The following WFS1 variants were observed in gnomAD, a reference collection of about 807,000 sequenced individuals.
WFS1 encodes wolframin.
A neutral mutation model predicts 68.5 loss-of-function variants in WFS1; 90 were observed. That is an observed-to-expected ratio of 1.31 (90% confidence interval 1.11 to 1.56). The LOEUF is 1.56. Ranked by LOEUF, WFS1 falls within the 40% of genes most tolerant of loss-of-function variation. WFS1 has a pLI of 0.00. For missense variants in WFS1, 1,767 were observed against 1,232.6 expected (o/e 1.43, Z -6.49); for synonymous variants, 860 against 540.7 (o/e 1.59, Z -8.19).
At position 6,303,174 on chromosome 4, in the gene WFS1, A is replaced by G. The variant is rs1011061311; in HGVS notation, c.*706A>G. On this transcript the variant is annotated 3_prime_UTR_variant, in exon 8 of 8. Transcript: ENST00000226760. Reference sequence around the variant, plus strand: ...GGCGGCTGTGGGGGAGGTCCCTGCCAGTGTTTAGAAGAGCCTGACTGTGTT... The same window carrying G: ...GGCGGCTGTGGGGGAGGTCCCTGCCGGTGTTTAGAAGAGCCTGACTGTGTT... 3 of 152,210 alleles carry G rather than the reference A, an allele frequency of 2.0e-5. No homozygotes were observed. Among genetic ancestry groups the G allele is most frequent in the African/African-American group, 7.4e-5 (3 of 40,440 alleles). 9.4% of individuals were successfully genotyped at this position (152,210 alleles called of 1,614,324 possible).
chr4:6,291,028 C>CAGGGGCATGGT (rs55640037), intron 4 of WFS1, among the ~76,000 whole-genome samples, 169 bp from the exon 5 acceptor site: 1 of 151,756 alleles, frequency 6.6e-6, no homozygotes, highest in African/African-American at 2.4e-5. Context: ...GTGGGCGTGG[C>CAGGGGCATGGT]GCGATGTCCT....
intron 4 of WFS1, among the ~76,000 whole-genome samples, chr4:6,290,042 A>G (rs767558501): frequency 7.9e-5 from 12 of 152,098 alleles, no homozygotes; most frequent in Non-Finnish European, 1.5e-4. Flanking sequence ...TGGTTCAAGC[A>G]ATTCTCCTGC....
At position 6,283,159 on chromosome 4, in the gene WFS1, C is replaced by T. The variant is rs1730213794; in HGVS notation, c.233-3934C>T. Among the ~76,000 whole-genome samples the T allele has an allele frequency of 1.3e-5, 2 of 152,180 alleles. No homozygotes were observed. The highest frequency in any genetic ancestry group is 2.9e-5 in the Non-Finnish European group (2 of 68,030). On this transcript the variant is annotated intron_variant, in intron 2 of 7. Transcript: ENST00000226760. The surrounding 1 kb of genome is among the most constrained non-coding windows in gnomAD (Gnocchi z 5.0). ...GAAAGTGAGGGTCATTGACTGATTCCACGTGGCATCCATGAATCTCTCAAA... is the reference window on the plus strand; with the variant it reads ...GAAAGTGAGGGTCATTGACTGATTCTACGTGGCATCCATGAATCTCTCAAA...
At chr4:6,299,436 A>C (rs1730761570) in intron 7 of WFS1, among the ~76,000 whole-genome samples, 1 of 149,668 alleles carries the variant, frequency 6.7e-6, no homozygotes, top group African/African-American at 2.5e-5. Flanking sequence ...GTAGGTGCAC[A>C]CGTGTAGGGG....
At chr4:6,282,665 T>G (rs1730201827) in intron 2 of WFS1, among the ~76,000 whole-genome samples, 1 of 152,202 alleles carries the variant, frequency 6.6e-6, no homozygotes, top group Non-Finnish European at 1.5e-5. Context: ...CAGCCCACTT[T>G]GGGAAAATTT....
chr4:6,270,863 C>T (rs991457141), intron 1 of WFS1, among the ~76,000 whole-genome samples: 1 of 152,158 alleles, frequency 6.6e-6, no homozygotes, highest in African/African-American at 2.4e-5. Context: ...CCGTTTGACA[C>T]CCCAGGAAGC....
intron 7 of WFS1, among the ~76,000 whole-genome samples, chr4:6,299,552 G>A (rs1444545002): frequency 1.0e-5 from 1 of 99,216 alleles, no homozygotes; most frequent in Non-Finnish European, 2.1e-5. Flanking sequence ...GTGTGAATGT[G>A]TGTGTAGGGG....
intron 7 of WFS1, among the ~76,000 whole-genome samples, chr4:6,298,865 C>T (rs1189608686): frequency 6.6e-6 from 1 of 152,228 alleles, no homozygotes; most frequent in African/African-American, 2.4e-5. Context: ...GTGGAGAGAA[C>T]CTGCCCCAGG....
intron 7 of WFS1, among the ~76,000 whole-genome samples, chr4:6,298,762 T>G (rs898367004): frequency 6.6e-6 from 1 of 152,224 alleles, no homozygotes; most frequent in African/African-American, 2.4e-5. Context: ...CCAGAGCTGA[T>G]AGCCAGGCTG....
intron 3 of WFS1, chr4:6,288,607 C>G (rs1730375455): frequency 1.2e-5 from 4 of 342,972 alleles, no homozygotes; most frequent in South Asian, 1.1e-4. Flanking sequence ...TCTCTCCAGC[C>G]CTGGCTTTCT....
chr4:6,299,524 T>C (rs1400382458), intron 7 of WFS1, among the ~76,000 whole-genome samples: 1 of 129,472 alleles, frequency 7.7e-6, no homozygotes, highest in African/African-American at 3.2e-5. Flanking sequence ...TGTGTGTGAA[T>C]GTGTATAGGG....
intron 1 of WFS1, among the ~76,000 whole-genome samples, chr4:6,271,715 C>T (rs889576146): frequency 1.3e-5 from 2 of 152,168 alleles, no homozygotes; most frequent in Non-Finnish European, 2.9e-5. Context: ...GTTCAGGACC[C>T]TCGCCTCTCC....
chr4:6,271,640 C>T (rs371914067), intron 1 of WFS1, among the ~76,000 whole-genome samples: 2 of 152,282 alleles, frequency 1.3e-5, no homozygotes, highest in African/African-American at 4.8e-5. Flanking sequence ...CCCCCTGTGC[C>T]CTTCATTCCT....
chr4:6,289,263 T>C, intron 4 of WFS1, 132 bp downstream of exon 4: 1 of 1,286,574 alleles, frequency 7.8e-7, no homozygotes, highest in Non-Finnish European at 1.1e-6. Context: ...GTTTCTGTTT[T>C]GCTGGTGGCC....
chr4:6,295,912 G>A (rs1411239258), intron 7 of WFS1, among the ~76,000 whole-genome samples: 1 of 152,226 alleles, frequency 6.6e-6, no homozygotes, highest in Non-Finnish European at 1.5e-5. Context: ...GTCTCACTCT[G>A]CAGAGAACAC....
intron 6 of WFS1, 40 bp from the exon 7 acceptor site, chr4:6,295,001 G>A: frequency 6.2e-7 from 1 of 1,612,736 alleles, no homozygotes; most frequent in East Asian, 2.2e-5. Context: ...CAGTGGGGCT[G>A]CAGTGTGGGG....
In WFS1 at chr4:6,300,710, C is replaced by T. The variant is rs770715180; in HGVS notation, c.915C>T (p.Asp305=). ...AIMEIKEYLI[D]MASRAGMHWL... ...TGGAGATCAAGGAGTACCTGATTGA[C>T]ATGGCCTCCAGGGCAGGCATGCACT... The change falls in exon 8 of 8, where the codon GAC becomes GAT. Residue 305 remains aspartate, a synonymous_variant. Transcript: ENST00000226760. 5 of 1,613,972 alleles carry T rather than the reference C, an allele frequency of 3.1e-6. No homozygotes were observed. The African/African-American group carries it at 5.3e-5, about 17-fold the overall frequency.
Position 6,302,142 on chromosome 4 carries a change from T to G in WFS1, c.2347T>G (p.Phe783Val). 6.2e-7 allele frequency: 1 copy of G among 1,612,964 alleles called. No individual in the cohort carries two copies. Among genetic ancestry groups the G allele is most frequent in the Non-Finnish European group, 8.5e-7 (1 of 1,180,002 alleles). ...YKFEITVGMP[F>V]SSGADGSRSR... ...GTTTGAGATTACCGTGGGCATGCCA[T>G]TCAGCAGCGGCGCTGACGGCTCGCG... Residue 783 changes from phenylalanine (F) to valine (V), a missense_variant, in exon 8 of 8, where the codon TTC (phenylalanine) becomes GTC (valine). Coordinates refer to ENST00000226760, the MANE Select transcript of WFS1 (RefSeq NM_006005.3).
At chr4:6,291,059 A>C (rs959897908) in intron 4 of WFS1, 138 bp from the exon 5 acceptor site, 1 of 994,810 alleles carries the variant, frequency 1.0e-6, no homozygotes, top group Non-Finnish European at 1.5e-6. Context: ...ATGTCCATGC[A>C]TCCTTCCCTG....
Sources: gnomAD v4.1 joint callset for allele counts (sites outside exome capture counted in the v4.1 genomes callset) on GRCh38, gnomAD v4.1.1 for gene constraint, Gnocchi (gnomAD v3.1) non-coding constraint, MANE v1.5 for transcripts, NCBI Gene and HGNC (gene_info 2026-07-23, HGNC 2026-07-21) for gene names.